NRCAM: variants seen among roughly 807,000 people sequenced by gnomAD.
NRCAM encodes NgCAM-related cell adhesion molecule.
A neutral mutation model predicts 156.5 loss-of-function variants in NRCAM; 83 were observed. The observed-to-expected ratio is 0.53, with a 90% CI of 0.44 to 0.64. The LOEUF (loss-of-function observed/expected upper bound fraction) is 0.64, where lower values mean the gene tolerates loss of function less well. NRCAM is among the 30% of genes least tolerant of loss of function. The pLI, the probability that NRCAM is intolerant of heterozygous loss-of-function variation, is 0.00. For synonymous variants in NRCAM, 538 were observed against 563.9 expected, an observed-to-expected ratio of 0.95 and a Z score of 0.65; for missense variants, 1,417 against 1,597.3, an observed-to-expected ratio of 0.89 and a Z score of 1.92.
chr7:108,196,768 A>G (rs1056663769), intron 14 of NRCAM, among the ~76,000 whole-genome samples: 1 of 152,218 alleles, frequency 6.6e-6, no homozygotes, highest in Admixed American at 6.5e-5. Context: ...GGAAAATACT[A>G]TAAAGATTAT....
At chr7:108,303,624 T>C (rs2098667054) in intron 3 of NRCAM, among the ~76,000 whole-genome samples, 1 of 152,048 alleles carries the variant, frequency 6.6e-6, no homozygotes, top group South Asian at 2.1e-4. Context: ...CAACCTGTCT[T>C]CACAGCACCT....
chr7:108,150,607 T>C (rs2040824598), intron 32 of NRCAM: 19 of 485,360 alleles, frequency 3.9e-5, no homozygotes, highest in South Asian at 3.0e-4. Flanking sequence ...TGTGGATTTT[T>C]TTTTTCTGAG....
At position 108,160,441 on chromosome 7, in the gene NRCAM, A is replaced by G; in HGVS notation, c.3518T>C (p.Leu1173Pro). ...GATAAGGAGAGCAACAGCACACATC[A>G]GACCAATGAACCAGCCCTGAGTTGC... The part of the protein sequence containing the change: ...DIATQGWFIG[L>P]MCAVALLILI... The change falls in exon 31 of 33, where the codon CTG becomes CCG. Residue 1173 changes from leucine to proline, a missense_variant. By Grantham distance (98) the Leu-to-Pro change is moderately conservative. This residue lies in a region of NRCAM where 179 missense variants were observed against 260.9 expected (regional missense o/e 0.69). Coordinates refer to ENST00000379028, the MANE Select transcript of NRCAM (RefSeq NM_001037132.4). 1 of 1,613,874 alleles carries G rather than the reference A, an allele frequency of 6.2e-7. No homozygotes were observed. Among genetic ancestry groups the G allele is most frequent in the Non-Finnish European group, 8.5e-7 (1 of 1,179,784 alleles).
intron 3 of NRCAM, among the ~76,000 whole-genome samples, chr7:108,309,337 A>G (rs2098766927): frequency 3.3e-5 from 5 of 152,298 alleles, no homozygotes; most frequent in Admixed American, 2.6e-4. Context: ...AAAACAATAA[A>G]GAGGTAAATA....
chr7:108,227,691 A>G (rs1414403820), intron 8 of NRCAM, among the ~76,000 whole-genome samples: 2 of 152,160 alleles, frequency 1.3e-5, no homozygotes, highest in Non-Finnish European at 2.9e-5. Flanking sequence ...TAACTGTGAG[A>G]GTTCTTCAGT....
chr7:108,438,779 A>G (rs1012195616), intron 1 of NRCAM, among the ~76,000 whole-genome samples: 1 of 152,270 alleles, frequency 6.6e-6, no homozygotes, highest in African/African-American at 2.4e-5. Flanking sequence ...AGAATTAATA[A>G]ACAAGTTTAG....
At chr7:108,188,803 G>A (rs202042735) in intron 20 of NRCAM, among the ~76,000 whole-genome samples, 1 of 17,436 alleles carries the variant, frequency 5.7e-5, no homozygotes. Context: ...AGGGGCTTTT[G>A]TTAAATTTTA....
intron 2 of NRCAM, among the ~76,000 whole-genome samples, chr7:108,336,838 T>C (rs546274122): frequency 6.6e-6 from 1 of 152,306 alleles, no homozygotes; most frequent in Non-Finnish European, 1.5e-5. Flanking sequence ...TTAAATAGAT[T>C]CCTTTTTGAA....
At chr7:108,381,893 A>C (rs1162787642) in intron 2 of NRCAM, among the ~76,000 whole-genome samples, 1 of 152,088 alleles carries the variant, frequency 6.6e-6, no homozygotes, top group Non-Finnish European at 1.5e-5. Context: ...GCTTTAGGGT[A>C]ATCTCATCCT....
At chr7:108,391,908 C>G (rs2099761382) in intron 2 of NRCAM, among the ~76,000 whole-genome samples, 2 of 152,214 alleles carry the variant, frequency 1.3e-5, no homozygotes, top group African/African-American at 4.8e-5. Context: ...TGGCCCCACT[C>G]TCTTCTGGCT....
At chr7:108,260,588 C>T (rs1202704538) in intron 3 of NRCAM, among the ~76,000 whole-genome samples, 1 of 152,094 alleles carries the variant, frequency 6.6e-6, no homozygotes, top group Non-Finnish European at 1.5e-5. Context: ...AGAACTTACT[C>T]CCGGGATGTG....
rs369593799 is a variant in NRCAM at position 108,184,588 on chromosome 7, T to A, written c.2062A>T (p.Met688Leu). 24 of 1,613,380 alleles carry A rather than the reference T, an allele frequency of 1.5e-5. No homozygotes were observed. Among genetic ancestry groups the A allele is most frequent in the Non-Finnish European group, 2.0e-5 (24 of 1,179,982 alleles). Residue 688 changes from methionine to leucine, a missense_variant, in exon 21 of 33, where the codon ATG becomes TTG. Transcript: ENST00000379028. ...TKFIIEYEDA[M>L]HKPGLWHHQT... ...TGGTGCCACAGCCCTGGCTTGTGCA[T>A]TGCATCTTCATATTCGATGATGAAT...
chr7:108,318,039 CT>C (rs779703662), intron 2 of NRCAM, among the ~76,000 whole-genome samples: 2,443 of 72,676 alleles, frequency 0.034, 16 homozygotes, highest in African/African-American at 0.13. Flanking sequence ...TTCACTTTTC[CT>C]TTTTTTTTTT....
rs148707963 is a variant in NRCAM at position 108,429,382 on chromosome 7, T to C, written c.-332+26861A>G. ...AATTTTTGTTTTATTAGTAGAGACA[T>C]GGCTTTACAATATTGGCCAGGCTGG... On this transcript the variant is annotated intron_variant, in intron 1 of 32. Transcript: ENST00000379028. 5.0e-3 allele frequency among the ~76,000 whole-genome samples: 762 copies of C among 152,248 alleles called. 6 individuals are homozygous for C. The highest frequency in any genetic ancestry group is 0.016 in the African/African-American group (682 of 41,566).
At chr7:108,339,225 T>C (rs1382616808) in intron 2 of NRCAM, among the ~76,000 whole-genome samples, 1 of 152,130 alleles carries the variant, frequency 6.6e-6, no homozygotes, top group Non-Finnish European at 1.5e-5. Context: ...TACAGGATGA[T>C]AGATGGTTCC....
rs113411365 is a variant in NRCAM at position 108,172,131 on chromosome 7, G to C, written c.3187+3191C>G. On this transcript the variant is annotated intron_variant, in intron 28 of 32. Coordinates refer to ENST00000379028, the MANE Select transcript of NRCAM (RefSeq NM_001037132.4). ...AAAGTATTTTGATGCTTGGTCCTCAGAGCGCCAGATTACATGCAATGGATA... is the reference window on the plus strand; with the variant it reads ...AAAGTATTTTGATGCTTGGTCCTCACAGCGCCAGATTACATGCAATGGATA... Among the ~76,000 whole-genome samples, 1,324 of 152,278 alleles carry C rather than the reference G, an allele frequency of 8.7e-3. 18 individuals are homozygous for C. The highest frequency in any genetic ancestry group is 0.03 in the African/African-American group (1,250 of 41,552).
At chr7:108,235,958 C>A (rs541298098) in intron 5 of NRCAM, among the ~76,000 whole-genome samples, 7 of 152,160 alleles carry the variant, frequency 4.6e-5, no homozygotes, top group Admixed American at 1.3e-4. Context: ...CCCCAAGGCC[C>A]TCTCTTGGAT....
intron 3 of NRCAM, among the ~76,000 whole-genome samples, chr7:108,296,286 G>A (rs1395804446): frequency 3.3e-5 from 5 of 152,106 alleles, no homozygotes; most frequent in Admixed American, 6.6e-5. Flanking sequence ...TTCTTACACA[G>A]GTACTGGCCT....
At chr7:108,231,249 T>C (rs969840205) in intron 7 of NRCAM, 96 bp from the exon 8 acceptor site, 37 of 792,140 alleles carry the variant, frequency 4.7e-5, no homozygotes, top group Non-Finnish European at 5.7e-5. Flanking sequence ...TTTGGAGAAA[T>C]AATTTGTAAT....
Sources: allele counts gnomAD v4.1 joint callset (sites outside exome capture counted in the v4.1 genomes callset), GRCh38; gene constraint gnomAD v4.1.1; regional missense constraint gnomAD v4.1.1; transcripts MANE v1.5; gene names NCBI Gene and HGNC (gene_info 2026-07-23, HGNC 2026-07-21).